The following TTLL9 variants were observed in gnomAD, a reference collection of about 807,000 sequenced individuals.
TTLL9 encodes tubulin tyrosine ligase like 9.
TTLL9 carries 47 observed loss-of-function variants against 65.6 expected under a neutral mutation model. The ratio of observed to expected loss-of-function variants is 0.72; its 90% CI spans 0.57 to 0.91. The LOEUF is 0.91. TTLL9 is among the 40% of genes least tolerant of loss of function. The pLI, the probability that TTLL9 is intolerant of heterozygous loss-of-function variation, is 0.00. For synonymous variants in TTLL9, 179 were observed against 204.8 expected (o/e 0.87, Z 1.07); for missense variants, 537 against 568.8 (o/e 0.94, Z 0.57).
At chr20:31,935,008 T>G (rs947740190) in intron 12 of TTLL9, 120 bp downstream of exon 12, 2 of 968,662 alleles carry the variant, frequency 2.1e-6, no homozygotes, top group Non-Finnish European at 3.1e-6. Context: ...ACACTTACAT[T>G]TACTGTGCCT....
intron 3 of TTLL9, among the ~76,000 whole-genome samples, chr20:31,896,778 T>A (rs1600549660): frequency 6.6e-6 from 1 of 152,192 alleles, no homozygotes; most frequent in East Asian, 1.9e-4. Flanking sequence ...AATCTGCCTG[T>A]CTCAGCCTCC....
At chr20:31,887,102 C>T (rs1474312058) in intron 2 of TTLL9, 94 bp from the exon 3 acceptor site, 13 of 1,305,224 alleles carry the variant, frequency 1.0e-5, no homozygotes, top group East Asian at 2.3e-5. Flanking sequence ...TTGAGTCTGA[C>T]GGTTTGGGCA....
At chr20:31,875,521 C>T (rs2063026294) in intron 2 of TTLL9, among the ~76,000 whole-genome samples, 3 of 152,184 alleles carry the variant, frequency 2.0e-5, no homozygotes, top group Admixed American at 1.3e-4. Context: ...CTTTCTCTGA[C>T]TTCCAACTTC....
chr20:31,883,364 AT>A (rs1178991304), intron 2 of TTLL9, among the ~76,000 whole-genome samples: 1 of 151,862 alleles, frequency 6.6e-6, no homozygotes, highest in Non-Finnish European at 1.5e-5. Context: ...TGCCTGGCTA[AT>A]TTTTGTATTT....
At chr20:31,874,407 A>G (rs879102212) in intron 2 of TTLL9, among the ~76,000 whole-genome samples, 1 of 135,698 alleles carries the variant, frequency 7.4e-6, no homozygotes, top group Non-Finnish European at 1.5e-5. Flanking sequence ...TAATTAGCTG[A>G]TCTTTTTTTT....
chr20:31,882,428 G>A (rs1402400846), intron 2 of TTLL9, among the ~76,000 whole-genome samples: 3 of 152,140 alleles, frequency 2.0e-5, no homozygotes, highest in African/African-American at 7.2e-5. Flanking sequence ...CTCAGAGCAG[G>A]ACTCCAGGAA....
Position 31,934,875 on chromosome 20 carries a change from C to T in TTLL9, c.991C>T (p.Gln331Ter). 2 of 1,611,338 alleles carry T rather than the reference C, an allele frequency of 1.2e-6. No homozygotes were observed. The highest frequency in any genetic ancestry group is 1.7e-6 in the Non-Finnish European group (2 of 1,178,090). The change falls in exon 12 of 15, where the codon CAG becomes TAG. Residue 331 changes from glutamine to a stop codon, truncating the protein, a stop_gained. Transcript: ENST00000535842. LOFTEE classifies it high-confidence loss of function. The stretch of plus-strand genomic sequence containing the variant: ...GTACGGCTATGACATCCTCATCGAC[C>T]AGGACCTCAAGCCGTAAGTGGGTGG... ...ELYGYDILIDQDLKPWLLEVN... is the reference protein window; with the variant it reads ...ELYGYDILID
chr20:31,874,332 T>C (rs188107488), intron 2 of TTLL9, among the ~76,000 whole-genome samples: 125 of 152,160 alleles, frequency 8.2e-4, no homozygotes, highest in African/African-American at 2.8e-3. Flanking sequence ...TATTTCCTTG[T>C]AACTGTGAAT....
chr20:31,870,704 G>T lies in TTLL9; in HGVS notation c.-251G>T. On this transcript the variant is annotated 5_prime_UTR_variant, in exon 1 of 15. In the 5' UTR this introduces an upstream ATG that the reference lacks. Coordinates refer to ENST00000535842, the MANE Select transcript of TTLL9 (RefSeq NM_001008409.5). The surrounding 1 kb of genome is among the most constrained non-coding windows in gnomAD (Gnocchi z 6.6). ...GCCGCGTGGGGCCGCCACCTCCGGA[G>T]GTGGGGGCGGGGGCCTTACCCCACC... 1 of 803,494 alleles carries T rather than the reference G, an allele frequency of 1.2e-6. No individual in the cohort carries two copies. Among genetic ancestry groups the T allele is most frequent in the Non-Finnish European group, 1.7e-6 (1 of 583,276 alleles). 49.8% of individuals were successfully genotyped at this position (803,494 alleles called of 1,614,324 possible). A position where few individuals can be genotyped will look rare whatever the true frequency, so the allele number is the denominator to read the frequency against.
chr20:31,888,773 G>A (rs1161063971), intron 3 of TTLL9, among the ~76,000 whole-genome samples: 3 of 152,114 alleles, frequency 2.0e-5, no homozygotes, highest in African/African-American at 7.2e-5. Context: ...GAAGGCAAAG[G>A]GGGAGCAGGC....
At position 31,870,682 on chromosome 20, in the gene TTLL9, G is replaced by A; in HGVS notation, c.-273G>A. 2 of 1,025,204 alleles carry A rather than the reference G, an allele frequency of 2.0e-6. No homozygotes were observed. Among genetic ancestry groups the A allele is most frequent in the Non-Finnish European group, 2.6e-6 (2 of 784,048 alleles). 63.5% of individuals were successfully genotyped at this position (1,025,204 alleles called of 1,614,324 possible). ...GGGACAACGGCAGTTTGTTGGGGCC[G>A]CGTGGGGCCGCCACCTCCGGAGGTG... On this transcript the variant is annotated 5_prime_UTR_variant, in exon 1 of 15. Transcript: ENST00000535842. This position sits in a 1 kb window ranked among gnomAD's most constrained non-coding sequence, Gnocchi z 6.6.
intron 2 of TTLL9, among the ~76,000 whole-genome samples, chr20:31,877,534 C>T (rs1472379409): frequency 1.3e-5 from 2 of 152,078 alleles, no homozygotes; most frequent in African/African-American, 4.8e-5. Flanking sequence ...CCTTTCCCAC[C>T]CCAAGATAAT....
At chr20:31,873,821 G>GAAAGAAAGAAAGAAAGAAAGAAAGAAA (rs2062991828) in intron 2 of TTLL9, among the ~76,000 whole-genome samples, 4 of 95,982 alleles carry the variant, frequency 4.2e-5, no homozygotes, top group African/African-American at 1.6e-4. Flanking sequence ...AGGAAGGAAG[G>GAAAGAAAGAAAGAAAGAAAGAAAGAAA]AAGAAAGAAA....
intron 4 of TTLL9, among the ~76,000 whole-genome samples, chr20:31,904,270 T>C (rs948804215): frequency 6.6e-6 from 1 of 151,922 alleles, no homozygotes; most frequent in African/African-American, 2.4e-5. Context: ...AAGTATCTTG[T>C]GGGCAGATAA....
At chr20:31,886,758 G>T (rs893057904) in intron 2 of TTLL9, among the ~76,000 whole-genome samples, 5 of 152,202 alleles carry the variant, frequency 3.3e-5, no homozygotes, top group Non-Finnish European at 5.9e-5. Flanking sequence ...GGTGGAAGTT[G>T]CAGAGAGCTG....
chr20:31,942,063 C>A (rs954264988), intron 14 of TTLL9, among the ~76,000 whole-genome samples: 1 of 152,148 alleles, frequency 6.6e-6, no homozygotes, highest in Non-Finnish European at 1.5e-5. Context: ...CTCTGGAAAA[C>A]CCTGAGGATG....
At chr20:31,874,408 T>C (rs1451107034) in intron 2 of TTLL9, among the ~76,000 whole-genome samples, 1 of 142,332 alleles carries the variant, frequency 7.0e-6, no homozygotes, top group Admixed American at 7.0e-5. Context: ...AATTAGCTGA[T>C]CTTTTTTTTT....
intron 3 of TTLL9, among the ~76,000 whole-genome samples, chr20:31,890,015 TTTC>T (rs2063269613): frequency 7.0e-6 from 1 of 143,474 alleles, no homozygotes; most frequent in Non-Finnish European, 1.5e-5. Context: ...TCTTTCTTTC[TTTC>T]TTTCTTTCTT....
rs1192106705 is a variant in TTLL9, at chr20:31,922,993, GAT to G, written c.607_608del (p.Ile203SerfsTer12). ...AAGAAGCTCTGACGACCAGAAAGATGATATTCCCGTGGAGAACTATGTGGCTC... is the reference window on the plus strand; with the variant it reads ...AAGAAGCTCTGACGACCAGAAAGATGATTCCCGTGGAGAACTATGTGGCTC... ...DTRSSDDQKDDIPVENYVAQR... is the reference protein window; with the variant it reads ...DTRSSDDQKDXIPVENYVAQR... On this transcript the variant is annotated frameshift_variant, in exon 8 of 15. Coordinates refer to ENST00000535842, the MANE Select transcript of TTLL9 (RefSeq NM_001008409.5). LOFTEE classifies it high-confidence loss of function. The G allele has an allele frequency of 5.6e-6, 9 of 1,613,910 alleles. No homozygotes were observed. Among genetic ancestry groups the G allele is most frequent in the Non-Finnish European group, 7.6e-6 (9 of 1,179,908 alleles).
Sources: gnomAD v4.1 joint callset for allele counts (sites outside exome capture counted in the v4.1 genomes callset) on GRCh38, gnomAD v4.1.1 for gene constraint, Gnocchi (gnomAD v3.1) non-coding constraint, MANE v1.5 for transcripts, NCBI Gene and HGNC (gene_info 2026-07-23, HGNC 2026-07-21) for gene names.